The following VPS13B variants were observed in gnomAD, a reference collection of about 807,000 sequenced individuals.
The protein encoded by VPS13B is vacuolar protein sorting 13 homolog B.
VPS13B carries 285 observed loss-of-function variants against 426.4 expected under a neutral mutation model. The ratio of observed to expected loss-of-function variants is 0.67; its 90% CI spans 0.61 to 0.74. VPS13B has a LOEUF of 0.74. Among genes scored for constraint, VPS13B ranks in the 30% least tolerant of loss-of-function variants. The pLI, the probability that VPS13B is intolerant of heterozygous loss-of-function variation, is 0.00. For synonymous variants in VPS13B, 1,676 were observed against 1,676.4 expected (o/e 1.00, Z 0.01); for missense variants, 4,537 against 4,782.6 (o/e 0.95, Z 1.51).
intron 25 of VPS13B, among the ~76,000 whole-genome samples, chr8:99,493,780 TAAAAAAA>T (rs376555643): frequency 3.3e-5 from 2 of 61,166 alleles, no homozygotes; most frequent in Non-Finnish European, 6.5e-5. Flanking sequence ...AGACTCTATC[TAAAAAAA>T]AAAAAAAAAA....
chr8:99,750,609 G>A (rs915729650), intron 39 of VPS13B, among the ~76,000 whole-genome samples: 5 of 152,016 alleles, frequency 3.3e-5, no homozygotes, highest in African/African-American at 1.2e-4. Flanking sequence ...TTCTGGAGAG[G>A]GTTTTGAACA....
At chr8:99,038,677 TAC>T (rs1406244893) in intron 3 of VPS13B, 111 bp downstream of exon 3, 3 of 579,082 alleles carry the variant, frequency 5.2e-6, no homozygotes, top group Admixed American at 3.9e-5. Flanking sequence ...TTAGCTTATA[TAC>T]TTTTTTTTTT....
intron 35 of VPS13B, among the ~76,000 whole-genome samples, chr8:99,689,739 A>T (rs890077549): frequency 6.6e-5 from 10 of 152,174 alleles, no homozygotes; most frequent in African/African-American, 2.4e-4. Context: ...GGTGCCTGAG[A>T]TATGAGGGTA....
Position 99,280,174 on chromosome 8 carries a change from A to G in VPS13B, c.2824+4920A>G, listed in dbSNP as rs371224241. On this transcript the variant is annotated intron_variant, in intron 19 of 61. Transcript: ENST00000357162. ...TTTTTTGATGTTCTCTGTGGTGGTT[A>G]TGTATTTACATATACTGTTTTTTTC... Among the ~76,000 whole-genome samples the G allele has an allele frequency of 2.1e-3, 313 of 152,120 alleles. 10 individuals carry two copies. In the South Asian group the frequency reaches 0.063, roughly 31 times the overall value.
chr8:99,453,334 G>T (rs1270266118), intron 23 of VPS13B, among the ~76,000 whole-genome samples: 2 of 152,150 alleles, frequency 1.3e-5, no homozygotes, highest in Non-Finnish European at 2.9e-5. Flanking sequence ...CTCAAACCGT[G>T]TATGCAAATA....
At chr8:99,836,593 C>A (rs912387283) in intron 54 of VPS13B, among the ~76,000 whole-genome samples, 1 of 152,116 alleles carries the variant, frequency 6.6e-6, no homozygotes, top group African/African-American at 2.4e-5. Flanking sequence ...TAGCATGGAT[C>A]AGAACTTCAT....
chr8:99,792,131 C>A (rs1228719636), intron 43 of VPS13B, among the ~76,000 whole-genome samples: 2 of 152,194 alleles, frequency 1.3e-5, no homozygotes, highest in African/African-American at 4.8e-5. Context: ...ATGAGAATTT[C>A]CAGTTTGAGT....
intron 33 of VPS13B, chr8:99,577,835 T>G: frequency 2.8e-6 from 2 of 702,770 alleles, no homozygotes; most frequent in Non-Finnish European, 4.5e-6. Flanking sequence ...ATTTATCATG[T>G]ACCTTTGCAA....
At chr8:99,176,621 T>TA (rs909763645) in intron 16 of VPS13B, among the ~76,000 whole-genome samples, 3 of 152,172 alleles carry the variant, frequency 2.0e-5, no homozygotes, top group African/African-American at 4.8e-5. Flanking sequence ...AGGACTATTG[T>TA]AAAAAAATAA....
At chr8:99,617,085 A>T (rs556249765) in intron 33 of VPS13B, among the ~76,000 whole-genome samples, 1 of 152,332 alleles carries the variant, frequency 6.6e-6, no homozygotes, top group South Asian at 2.1e-4. Flanking sequence ...TAAATTTTAA[A>T]AATATCAGCA....
intron 12 of VPS13B, among the ~76,000 whole-genome samples, chr8:99,137,760 C>A (rs964701844): frequency 5.3e-5 from 8 of 152,128 alleles, no homozygotes. Context: ...TAAGTACTTT[C>A]CATATGTTGT....
chr8:99,691,576 C>T (rs570290831), intron 35 of VPS13B, among the ~76,000 whole-genome samples: 24 of 151,698 alleles, frequency 1.6e-4, no homozygotes, highest in East Asian at 5.8e-4. Context: ...CAGTGTCAGC[C>T]GCTGCAAAAT....
chr8:99,701,756 T>C lies in VPS13B; in HGVS notation c.6454+1824T>C, dbSNP rs1485254367. 3.3e-5 allele frequency among the ~76,000 whole-genome samples: 5 copies of C among 152,154 alleles called. No homozygotes were observed. The East Asian group carries it at 7.7e-4, about 23-fold the overall frequency. On this transcript the variant is annotated intron_variant, in intron 36 of 61. Transcript: ENST00000357162. ...ATCAGAGTTGAGATTAGCTACTTAA[T>C]AGTAACAATTTTGTTATGAGACTAT...
chr8:99,120,916 T>G (rs1302391746), intron 7 of VPS13B, among the ~76,000 whole-genome samples: 1 of 152,224 alleles, frequency 6.6e-6, no homozygotes, highest in Non-Finnish European at 1.5e-5. Flanking sequence ...CAAATACAGT[T>G]AAAAGTTATG....
intron 58 of VPS13B, among the ~76,000 whole-genome samples, 177 bp downstream of exon 58, chr8:99,862,123 C>G (rs1264497936): frequency 6.6e-6 from 1 of 152,246 alleles, no homozygotes; most frequent in Non-Finnish European, 1.5e-5. Context: ...TGCACAGCCG[C>G]ACATGCAGCG....
At chr8:99,290,862 AT>A (rs1819695266) in intron 19 of VPS13B, among the ~76,000 whole-genome samples, 1 of 152,014 alleles carries the variant, frequency 6.6e-6, no homozygotes, top group African/African-American at 2.4e-5. Flanking sequence ...ATTTCTGTGG[AT>A]TTGAAGATTT....
chr8:99,583,984 A>G (rs1212073547), intron 33 of VPS13B, among the ~76,000 whole-genome samples: 2 of 152,098 alleles, frequency 1.3e-5, no homozygotes, highest in Non-Finnish European at 2.9e-5. Flanking sequence ...GTGACCTCCT[A>G]TTGGTGTTGC....
intron 44 of VPS13B, among the ~76,000 whole-genome samples, chr8:99,812,234 T>C (rs964198266): frequency 6.6e-6 from 1 of 152,230 alleles, no homozygotes; most frequent in South Asian, 2.1e-4. Context: ...CAATTGGATT[T>C]AATTTTTGCT....
At chr8:99,233,430 T>C (rs1254688418) in intron 17 of VPS13B, 1 of 1,260,304 alleles carries the variant, frequency 7.9e-7, no homozygotes, top group Admixed American at 1.7e-5. Flanking sequence ...GTTTGATGTG[T>C]GCCCCTTTCT....
Sources: allele counts gnomAD v4.1 joint callset (sites outside exome capture counted in the v4.1 genomes callset), GRCh38; gene constraint gnomAD v4.1.1; transcripts MANE v1.5; gene names NCBI Gene and HGNC (gene_info 2026-07-23, HGNC 2026-07-21).